Variants in PIK3R1 observed in about 807,000 individuals in gnomAD.
The protein encoded by PIK3R1 is phosphoinositide-3-kinase regulatory subunit 1, also known as phosphatidylinositol 3-kinase regulatory subunit alpha.
In PIK3R1, 29 loss-of-function variants were observed where a neutral mutation model predicts 98.0. The ratio of observed to expected loss-of-function variants is 0.30; its 90% CI spans 0.22 to 0.40. The LOEUF (loss-of-function observed/expected upper bound fraction) is 0.40. Ranked by LOEUF, PIK3R1 falls within the 10% of genes least tolerant of loss-of-function variation. The probability of loss-of-function intolerance (pLI) is 1.00; values close to 1 mark genes in which losing one functional copy is unlikely to be tolerated. For missense variants in PIK3R1, 596 were observed against 872.7 expected, an observed-to-expected ratio of 0.68 and a Z score of 3.99; for synonymous variants, 282 against 311.8, an observed-to-expected ratio of 0.90 and a Z score of 1.01.
At chr5:68,246,214 T>A (rs1303758377) in intron 2 of PIK3R1, among the ~76,000 whole-genome samples, 4 of 152,202 alleles carry the variant, frequency 2.6e-5, no homozygotes, top group African/African-American at 9.6e-5. Context: ...GTGTATTCTA[T>A]ACTTTATACC....
At chr5:68,241,369 G>A (rs1744866440) in intron 2 of PIK3R1, among the ~76,000 whole-genome samples, 1 of 131,810 alleles carries the variant, frequency 7.6e-6, no homozygotes. Context: ...CTGAAAAGGT[G>A]GTGGTTACAA....
chr5:68,240,052 T>C (rs934929889), intron 2 of PIK3R1: 6 of 346,588 alleles, frequency 1.7e-5, no homozygotes, highest in Non-Finnish European at 3.4e-5. Flanking sequence ...TTCTTAATGT[T>C]GTAGATAACA....
intron 2 of PIK3R1, 57 bp from the exon 3 acceptor site, chr5:68,273,333 G>A: frequency 1.4e-6 from 2 of 1,388,748 alleles, no homozygotes; most frequent in South Asian, 1.2e-5. Flanking sequence ...CTTCATTGTG[G>A]TCTAATGCAT....
At chr5:68,277,752 C>T (rs910287538) in intron 4 of PIK3R1, among the ~76,000 whole-genome samples, 2 of 152,156 alleles carry the variant, frequency 1.3e-5, no homozygotes, top group South Asian at 2.1e-4. Flanking sequence ...AGTCAATCAC[C>T]GAGTTATATG....
At chr5:68,274,147 G>A (rs1193507466) in intron 4 of PIK3R1, 134 bp downstream of exon 4, 2 of 738,830 alleles carry the variant, frequency 2.7e-6, no homozygotes, top group Non-Finnish European at 4.7e-6. Flanking sequence ...ATCATGTACA[G>A]TTCTCCCTGC....
rs769329448 is a variant in PIK3R1, at chr5:68,226,661, A to G, written c.-15A>G. 1.9e-6 allele frequency: 3 copies of G among 1,598,100 alleles called. No homozygotes were observed. Among genetic ancestry groups the G allele is most frequent in the Non-Finnish European group, 2.6e-6 (3 of 1,166,808 alleles). On this transcript the variant is annotated 5_prime_UTR_variant, in exon 2 of 16. Transcript: ENST00000521381. ...CAACCAGGCTCAACTGTTGCATGGT[A>G]GCAGATTTGCAAACATGAGTGCTGA...
chr5:68,244,112 C>T (rs576290697), intron 2 of PIK3R1, among the ~76,000 whole-genome samples: 54 of 152,220 alleles, frequency 3.5e-4, no homozygotes, highest in African/African-American at 1.2e-3. Context: ...TTCTGTTAAC[C>T]AGCCATCCTT....
intron 2 of PIK3R1, among the ~76,000 whole-genome samples, chr5:68,260,802 C>T (rs1025222604): frequency 3.9e-5 from 6 of 152,120 alleles, no homozygotes; most frequent in Admixed American, 1.3e-4. Flanking sequence ...AGCCAAATTA[C>T]GTTCTCTGAT....
chr5:68,217,583 G>A (rs1743934444), intron 1 of PIK3R1: 1 of 151,890 alleles, frequency 6.6e-6, no homozygotes, highest in South Asian at 2.1e-4. Context: ...ACTTTAGGAA[G>A]CAAGTGTTTT....
chr5:68,228,976 T>C (rs1744380032), intron 2 of PIK3R1, among the ~76,000 whole-genome samples: 1 of 152,206 alleles, frequency 6.6e-6, no homozygotes, highest in African/African-American at 2.4e-5. Flanking sequence ...TTTTAGCAGC[T>C]TTTTCATTTT....
rs1262018997 is a variant in PIK3R1 at position 68,299,067 on chromosome 5, G to C, written c.*1466G>C. 1 of 233,414 alleles carries C rather than the reference G, an allele frequency of 4.3e-6. No individual in the cohort carries two copies. Among genetic ancestry groups the C allele is most frequent in the Non-Finnish European group, 8.5e-6 (1 of 118,004 alleles). The allele number at this position is 233,414 out of a possible 1,614,324, so 14.5% of individuals were successfully genotyped here. A position where few individuals can be genotyped will look rare whatever the true frequency, so the allele number is the denominator to read the frequency against. On this transcript the variant is annotated 3_prime_UTR_variant, in exon 16 of 16. Transcript: ENST00000521381. ...ACAAACCTACTGTATCTCTAATACA[G>C]TGTGACTGGTCAGGTATTTCAGTTC...
rs1400828477 is a variant in PIK3R1 at position 68,263,128 on chromosome 5, CAT to C, written c.335-10260_335-10259del. Among the ~76,000 whole-genome samples, 6 of 81,210 alleles carry C rather than the reference CAT, an allele frequency of 7.4e-5. 1 individual carries two copies. The highest frequency in any genetic ancestry group is 1.0e-4 in the African/African-American group (2 of 19,592). The allele number at this position is 81,210 out of a possible 152,430, so 53.3% of individuals were successfully genotyped here. The stretch of plus-strand genomic sequence containing the variant: ...AGATACATACATAGATATATAGATA[CAT>C]AGATACATATATATTTATATATGTA... On this transcript the variant is annotated intron_variant, in intron 2 of 15. Coordinates refer to ENST00000521381, the MANE Select transcript of PIK3R1 (RefSeq NM_181523.3).
intron 2 of PIK3R1, among the ~76,000 whole-genome samples, chr5:68,237,671 A>T (rs114686274): frequency 0.019 from 2,869 of 152,116 alleles, 103 homozygotes; most frequent in African/African-American, 0.066. Flanking sequence ...CAGCTTCTTG[A>T]GAGTCTCCGA....
intron 2 of PIK3R1, among the ~76,000 whole-genome samples, chr5:68,227,430 C>T (rs568115795): frequency 2.0e-5 from 3 of 152,260 alleles, no homozygotes; most frequent in Non-Finnish European, 4.4e-5. Context: ...AATTCAGATT[C>T]AGTGGTCAAG....
chr5:68,254,922 C>T (rs1745452198), intron 2 of PIK3R1, among the ~76,000 whole-genome samples: 1 of 151,712 alleles, frequency 6.6e-6, no homozygotes, highest in South Asian at 2.1e-4. Context: ...CCTAAATTTT[C>T]CACTGAGTAA....
chr5:68,223,717 C>T (rs1414337685), intron 1 of PIK3R1, among the ~76,000 whole-genome samples: 1 of 152,212 alleles, frequency 6.6e-6, no homozygotes, highest in Non-Finnish European at 1.5e-5. Flanking sequence ...TGTCTAGCCT[C>T]TAAAAGTCAT....
At chr5:68,268,046 T>G (rs2112144508) in intron 2 of PIK3R1, among the ~76,000 whole-genome samples, 1 of 152,294 alleles carries the variant, frequency 6.6e-6, no homozygotes, top group South Asian at 2.1e-4. Context: ...ACCTATTAGT[T>G]TGTGCTTTCT....
chr5:68,220,680 GC>G (rs1366381029), intron 1 of PIK3R1, among the ~76,000 whole-genome samples: 2 of 152,160 alleles, frequency 1.3e-5, no homozygotes, highest in Admixed American at 1.3e-4. Context: ...GAGAATTACA[GC>G]CTATACAGCC....
intron 2 of PIK3R1, among the ~76,000 whole-genome samples, chr5:68,252,970 A>T (rs532588452): frequency 1.2e-3 from 186 of 152,204 alleles, no homozygotes; most frequent in Non-Finnish European, 6.5e-4. Context: ...ATGGCACCTG[A>T]CACAGTACTT....
Sources: gnomAD v4.1 joint callset for allele counts (sites outside exome capture counted in the v4.1 genomes callset) on GRCh38, gnomAD v4.1.1 for gene constraint, MANE v1.5 for transcripts, NCBI Gene and HGNC (gene_info 2026-07-23, HGNC 2026-07-21) for gene names.